The following SLC29A1 variants were observed in gnomAD, a reference collection of about 807,000 sequenced individuals.
SLC29A1 encodes the protein solute carrier family 29 member 1 (Augustine blood group).
SLC29A1 carries 22 observed loss-of-function variants against 48.3 expected under a neutral mutation model. The observed-to-expected ratio is 0.46, with a 90% CI of 0.33 to 0.65. The LOEUF is 0.65. Ranked by LOEUF, SLC29A1 falls within the 30% of genes least tolerant of loss-of-function variation. The pLI, the probability that SLC29A1 is intolerant of heterozygous loss-of-function variation, is 0.03. For synonymous variants in SLC29A1, 228 were observed against 231.0 expected (o/e 0.99, Z 0.12); for missense variants, 491 against 575.3 (o/e 0.85, Z 1.50).
In SLC29A1 at chr6:44,230,893, C is replaced by T. The variant is rs371169575; in HGVS notation, c.766+4C>T. ...AAGTTGGACCTCATTAGCAAAGGTC[C>T]GAAGAGCCTGAGGAAGCTGGGGTGG... On this transcript the variant is annotated splice_donor_region_variant and intron_variant, in intron 8 of 12. Transcript: ENST00000371755. 78 of 1,612,516 alleles carry T rather than the reference C, an allele frequency of 4.8e-5. No individual in the cohort carries two copies. In the African/African-American group the frequency reaches 7.7e-4, roughly 16 times the overall value.
At chr6:44,233,181 C>G (rs1306198545) in intron 12 of SLC29A1, among the ~76,000 whole-genome samples, 175 bp downstream of exon 12, 1 of 152,064 alleles carries the variant, frequency 6.6e-6, no homozygotes, top group Non-Finnish European at 1.5e-5. Flanking sequence ...AGGGGGGCGC[C>G]AAGCTTACTT....
chr6:44,219,981 G>T (rs567273809), upstream of SLC29A1, among the ~76,000 whole-genome samples: 111 of 152,268 alleles, frequency 7.3e-4, no homozygotes, highest in African/African-American at 2.6e-3. Flanking sequence ...TTAGATGACT[G>T]CCTCCCCAAA....
Position 44,229,796 on chromosome 6 carries a change from G to T in SLC29A1, c.314+5G>T. 1 of 1,613,106 alleles carries T rather than the reference G, an allele frequency of 6.2e-7. No homozygotes were observed. Among genetic ancestry groups the T allele is most frequent in the South Asian group, 1.1e-5 (1 of 91,064 alleles). ...CAACTCCTTCCTGCATCAGAGGTGA[G>T]TGCCCACCCCCTCCCCAGCCCCCAG... On this transcript the variant is annotated splice_donor_5th_base_variant and intron_variant, in intron 4 of 12. Transcript: ENST00000371755. The surrounding 1 kb of genome is among the most constrained non-coding windows in gnomAD (Gnocchi z 5.1).
chr6:44,230,303 C>T (rs374229665), intron 5 of SLC29A1, 44 bp from the exon 6 acceptor site: 22 of 1,590,418 alleles, frequency 1.4e-5, no homozygotes, highest in Non-Finnish European at 1.8e-5. Context: ...CACCCCCAAC[C>T]ACCAGCCCTA....
chr6:44,227,365 G>C (rs778675681), intron 2 of SLC29A1, 23 bp downstream of exon 2: 17 of 1,599,534 alleles, frequency 1.1e-5, no homozygotes, highest in Non-Finnish European at 1.5e-5. Flanking sequence ...GGGCTGGGCT[G>C]TGGATCCAGG....
At chr6:44,226,597 G>A in intron 1 of SLC29A1, 1 of 272,424 alleles carries the variant, frequency 3.7e-6, no homozygotes, top group East Asian at 1.7e-4. Flanking sequence ...TGGCTGGAAA[G>A]AAAGGTTAAG....
chr6:44,222,754 G>A (rs1776601745), upstream of SLC29A1, among the ~76,000 whole-genome samples: 1 of 152,236 alleles, frequency 6.6e-6, no homozygotes, highest in Non-Finnish European at 1.5e-5. Flanking sequence ...ACTCAGCAAG[G>A]CTTCCGCCTG....
At chr6:44,230,144 C>A in intron 5 of SLC29A1, 98 bp downstream of exon 5, 1 of 1,540,408 alleles carries the variant, frequency 6.5e-7, no homozygotes, top group Non-Finnish European at 8.9e-7. Context: ...GCCCAGCCTC[C>A]GCCTGGAGGG....
At chr6:44,224,882 CA>C (rs1561875284) in intron 1 of SLC29A1, among the ~76,000 whole-genome samples, 1 of 152,086 alleles carries the variant, frequency 6.6e-6, no homozygotes, top group Non-Finnish European at 1.5e-5. Flanking sequence ...CAGACAAAAG[CA>C]AAACACGAAG....
upstream of SLC29A1, chr6:44,223,431 A>G (rs1193105488): frequency 1.1e-5 from 6 of 546,146 alleles, no homozygotes; most frequent in East Asian, 2.1e-4. This position sits in a 1 kb window ranked among gnomAD's most constrained non-coding sequence, Gnocchi z 5.0. Flanking sequence ...CTGGGGGCGC[A>G]GGGGCTCGGG....
At position 44,230,635 on chromosome 6, in the gene SLC29A1, C is replaced by T. The variant is rs1258678639; in HGVS notation, c.657C>T (p.Thr219=). The part of the protein sequence containing the change: ...FITACAVIIL[T]IICYLGLPRL... ...CAGCCTGTGCTGTTATCATTTTGAC[C>T]ATCATCTGTTACCTGGGCCTGCCCC... The change falls in exon 7 of 13, where the codon ACC becomes ACT. Residue 219 remains threonine, a synonymous_variant. Coordinates refer to ENST00000371755, the MANE Select transcript of SLC29A1 (RefSeq NM_001372327.1). 6.2e-7 allele frequency: 1 copy of T among 1,602,696 alleles called. No individual in the cohort carries two copies. The highest frequency in any genetic ancestry group is 1.4e-5 in the African/African-American group (1 of 74,072).
At chr6:44,228,570 A>G (rs1351913316) in intron 2 of SLC29A1, among the ~76,000 whole-genome samples, 1 of 152,072 alleles carries the variant, frequency 6.6e-6, no homozygotes, top group Non-Finnish European at 1.5e-5. Flanking sequence ...CTCTGAAGAG[A>G]GCTGGTGTTG....
At position 44,232,175 on chromosome 6, in the gene SLC29A1, G is replaced by A; in HGVS notation, c.973+69G>A. ...TGAGTTGGGCTGGAAGTGGGGAAGG[G>A]AGGGAGCCTGGGTCACCTTCTCCCC... On this transcript the variant is annotated intron_variant, in intron 10 of 12. Transcript: ENST00000371755. The surrounding 1 kb of genome is among the most constrained non-coding windows in gnomAD (Gnocchi z 4.7). The A allele has an allele frequency of 1.5e-6, 2 of 1,338,752 alleles. No individual in the cohort carries two copies. Among genetic ancestry groups the A allele is most frequent in the Non-Finnish European group, 2.1e-6 (2 of 930,792 alleles). 82.9% of individuals were successfully genotyped at this position (1,338,752 alleles called of 1,614,324 possible).
Position 44,233,514 on chromosome 6 carries a change from C to A in SLC29A1, c.1357C>A (p.Arg453=), listed in dbSNP as rs751247652. The change falls in exon 13 of 13, where the codon CGG becomes AGG. Residue 453 remains arginine (R), a synonymous_variant. Coordinates refer to ENST00000371755, the MANE Select transcript of SLC29A1 (RefSeq NM_001372327.1). ...GGGGGCTGTTTTCTCCTTCCTGTTC[C>A]GGGCAATTGTGTGACAAAGGATGGA... ...ALGAVFSFLF[R]AIV is the part of the protein sequence containing the mutation. The A allele has an allele frequency of 6.2e-7, 1 of 1,613,622 alleles. No homozygotes were observed. The highest frequency in any genetic ancestry group is 1.1e-5 in the South Asian group (1 of 91,072).
chr6:44,230,704 G>GGT, intron 7 of SLC29A1, 39 bp downstream of exon 7: 1 of 1,078,836 alleles, frequency 9.3e-7, no homozygotes, highest in Non-Finnish European at 1.4e-6. Context: ...GGGTATAGGG[G>GGT]TCTGGGGTTC....
chr6:44,223,519 G>C, upstream of SLC29A1: 1 of 1,094,728 alleles, frequency 9.1e-7, no homozygotes, highest in Non-Finnish European at 1.1e-6. The surrounding 1 kb of genome is among the most constrained non-coding windows in gnomAD (Gnocchi z 5.0). Flanking sequence ...CGTCGGGGAG[G>C]TGGCAGTGGG....
In SLC29A1 at chr6:44,230,384, G is replaced by A. The variant is rs769563400; in HGVS notation, c.492G>A (p.Leu164=). The change falls in exon 6 of 13, where the codon CTG becomes CTA. Residue 164 remains leucine, a synonymous_variant. Transcript: ENST00000371755. ...TCCTGCAGGGCAGCCTGTTTGGTCT[G>A]GCTGGCCTTCTGCCTGCCAGCTACA... ...GAILQGSLFG[L]AGLLPASYTA... 6.2e-7 allele frequency: 1 copy of A among 1,614,034 alleles called. No individual in the cohort carries two copies. Among genetic ancestry groups the A allele is most frequent in the South Asian group, 1.1e-5 (1 of 91,080 alleles).
At chr6:44,225,225 GC>G (rs1320903973) in intron 1 of SLC29A1, among the ~76,000 whole-genome samples, 1 of 152,128 alleles carries the variant, frequency 6.6e-6, no homozygotes, top group African/African-American at 2.4e-5. Flanking sequence ...TGAGACCTAG[GC>G]AGGGCTCAGT....
chr6:44,230,295 C>A, intron 5 of SLC29A1, 52 bp from the exon 6 acceptor site: 1 of 1,585,302 alleles, frequency 6.3e-7, no homozygotes, highest in African/African-American at 1.3e-5. Flanking sequence ...TTCTTGGGCA[C>A]CCCCAACCAC....
Sources: allele counts gnomAD v4.1 joint callset (sites outside exome capture counted in the v4.1 genomes callset), GRCh38; gene constraint gnomAD v4.1.1; non-coding constraint Gnocchi (gnomAD v3.1); transcripts MANE v1.5; gene names NCBI Gene and HGNC (gene_info 2026-07-23, HGNC 2026-07-21).